The following PLCB4 variants were observed in gnomAD, a reference collection of about 807,000 sequenced individuals.
The protein encoded by PLCB4 is phospholipase C beta 4.
Under a neutral mutation model 178.8 loss-of-function variants are expected in PLCB4, and 77 were observed. The ratio of observed to expected loss-of-function variants is 0.43; its 90% CI spans 0.36 to 0.52. The LOEUF is 0.52. Among genes scored for constraint, PLCB4 ranks in the 20% least tolerant of loss-of-function variants. PLCB4 has a pLI of 0.00. For synonymous variants in PLCB4, 496 were observed against 490.8 expected, an observed-to-expected ratio of 1.01 and a Z score of -0.14; for missense variants, 1,024 against 1,453.4, an observed-to-expected ratio of 0.70 and a Z score of 4.80.
intron 2 of PLCB4, among the ~76,000 whole-genome samples, chr20:9,116,072 A>C (rs2091767284): frequency 7.0e-6 from 1 of 143,720 alleles, no homozygotes. Context: ...AGAAATGTGA[A>C]TATATATATA....
At chr20:9,404,867 A>G (rs1294708876) in intron 20 of PLCB4, among the ~76,000 whole-genome samples, 1 of 152,102 alleles carries the variant, frequency 6.6e-6, no homozygotes, top group Admixed American at 6.6e-5. Flanking sequence ...CTCATGACCA[A>G]ATTACCTCCC....
intron 7 of PLCB4, among the ~76,000 whole-genome samples, chr20:9,345,352 A>G (rs2033689831): frequency 6.6e-6 from 1 of 152,122 alleles, no homozygotes; most frequent in African/African-American, 2.4e-5. Context: ...AGTTAATTTC[A>G]TTAGAAAAGC....
intron 3 of PLCB4, among the ~76,000 whole-genome samples, chr20:9,259,589 G>C (rs183272345): frequency 6.6e-6 from 1 of 152,248 alleles, no homozygotes; most frequent in African/African-American, 2.4e-5. Flanking sequence ...AACTGGCAGA[G>C]ATGGAGAGAA....
intron 2 of PLCB4, among the ~76,000 whole-genome samples, chr20:9,190,718 G>A (rs2093391467): frequency 6.6e-6 from 1 of 152,178 alleles, no homozygotes; most frequent in Non-Finnish European, 1.5e-5. Flanking sequence ...CAGGCAAGGA[G>A]CAGGTTCCTG....
intron 3 of PLCB4, among the ~76,000 whole-genome samples, chr20:9,284,412 A>T (rs1017092811): frequency 1.3e-5 from 2 of 151,932 alleles, no homozygotes; most frequent in African/African-American, 4.8e-5. Context: ...TAGGAGATGA[A>T]TGGAGAGAGA....
At position 9,459,717 on chromosome 20, in the gene PLCB4, A is replaced by C; in HGVS notation, c.3155A>C (p.Asp1052Ala). 1 of 1,612,422 alleles carries C rather than the reference A, an allele frequency of 6.2e-7. No homozygotes were observed. Among genetic ancestry groups the C allele is most frequent in the Non-Finnish European group, 8.5e-7 (1 of 1,178,508 alleles). Residue 1052 changes from aspartate (D) to alanine (A), a missense_variant, in exon 35 of 40, where the codon GAC becomes GCC. By Grantham distance (126) the Asp-to-Ala change is moderately radical. This residue lies in a region of PLCB4 where 264 missense variants were observed against 283.2 expected (regional missense o/e 0.93). Coordinates refer to ENST00000378473, the MANE Select transcript of PLCB4 (RefSeq NM_001377142.1). ...THSAEEQEIR[D>A]LHLSQQCELL... ...AGTGCTGAGGAGCAAGAAATCCGAG[A>C]CCTGCACCTCAGCCAGCAGTGTGAG...
intron 2 of PLCB4, among the ~76,000 whole-genome samples, chr20:9,143,811 G>C (rs143659990): frequency 6.6e-6 from 1 of 152,246 alleles, no homozygotes; most frequent in East Asian, 1.9e-4. Flanking sequence ...ATGCAGGGTG[G>C]ATACACTTGT....
chr20:9,205,840 A>C (rs2093608091), intron 2 of PLCB4, among the ~76,000 whole-genome samples: 1 of 152,162 alleles, frequency 6.6e-6, no homozygotes, highest in Non-Finnish European at 1.5e-5. Context: ...TGTCATTTCA[A>C]GAGTGTTATA....
chr20:9,306,655 T>C (rs916730746), intron 3 of PLCB4, among the ~76,000 whole-genome samples: 4 of 152,198 alleles, frequency 2.6e-5, no homozygotes, highest in African/African-American at 9.7e-5. Flanking sequence ...ACTTGATGTG[T>C]TTGGTGTTCT....
At chr20:9,372,158 T>C in intron 10 of PLCB4, 145 bp from the exon 11 acceptor site, 1 of 574,456 alleles carries the variant, frequency 1.7e-6, no homozygotes, top group South Asian at 2.4e-5. Context: ...TGCCTGGAAG[T>C]TGGCCTCCTG....
chr20:9,171,425 A>G (rs536918203), intron 2 of PLCB4, among the ~76,000 whole-genome samples: 7 of 152,348 alleles, frequency 4.6e-5, no homozygotes, highest in African/African-American at 1.7e-4. Context: ...GCAGCTGTCT[A>G]TTCAAAAATT....
At chr20:9,337,579 C>T (rs1345729143) in intron 5 of PLCB4, among the ~76,000 whole-genome samples, 1 of 152,088 alleles carries the variant, frequency 6.6e-6, no homozygotes, top group Non-Finnish European at 1.5e-5. Context: ...TCTCATTATA[C>T]CCTGGGACTT....
chr20:9,444,828 T>G (rs1463413376), intron 32 of PLCB4, among the ~76,000 whole-genome samples: 1 of 152,140 alleles, frequency 6.6e-6, no homozygotes, highest in African/African-American at 2.4e-5. Flanking sequence ...AGCTCACAAT[T>G]CTAGCCACTA....
intron 2 of PLCB4, among the ~76,000 whole-genome samples, chr20:9,105,073 G>T (rs2146653770): frequency 6.6e-6 from 1 of 152,202 alleles, no homozygotes; most frequent in East Asian, 1.9e-4. Context: ...AGATATGAAT[G>T]AAATTAACAG....
At chr20:9,181,811 G>C (rs998214677) in intron 2 of PLCB4, among the ~76,000 whole-genome samples, 11 of 152,122 alleles carry the variant, frequency 7.2e-5, no homozygotes, top group African/African-American at 2.7e-4. Flanking sequence ...TCAGTCCCTA[G>C]CAATCTCACT....
intron 4 of PLCB4, among the ~76,000 whole-genome samples, chr20:9,322,270 A>AT (rs1484512436): frequency 3.3e-5 from 5 of 151,876 alleles, no homozygotes; most frequent in African/African-American, 1.2e-4. Flanking sequence ...CTAGTCTTTA[A>AT]TTTTTGAGGG....
At chr20:9,081,721 C>A in intron 1 of PLCB4, among the ~76,000 whole-genome samples, 2 of 129,272 alleles carry the variant, frequency 1.5e-5, no homozygotes, top group African/African-American at 3.0e-5. Flanking sequence ...GCCATTATTG[C>A]AAAGCCTGCA....
chr20:9,086,184 G>A (rs2090406733), intron 1 of PLCB4, among the ~76,000 whole-genome samples: 1 of 152,140 alleles, frequency 6.6e-6, no homozygotes, highest in African/African-American at 2.4e-5. Context: ...ATGAGAAAAA[G>A]TGATCATCTC....
intron 3 of PLCB4, among the ~76,000 whole-genome samples, chr20:9,291,851 TGAG>T (rs2094582794): frequency 6.6e-6 from 1 of 152,198 alleles, no homozygotes; most frequent in African/African-American, 2.4e-5. Flanking sequence ...CTTGAAAACT[TGAG>T]GAAGAATGTT....
Sources: gnomAD v4.1 joint callset for allele counts (sites outside exome capture counted in the v4.1 genomes callset) on GRCh38, gnomAD v4.1.1 for gene constraint, gnomAD v4.1.1 regional missense constraint, MANE v1.5 for transcripts, NCBI Gene and HGNC (gene_info 2026-07-23, HGNC 2026-07-21) for gene names.